The following FHOD3 variants were observed in gnomAD, a reference collection of about 807,000 sequenced individuals.
FHOD3 encodes FH1/FH2 domain-containing protein 3.
A neutral mutation model predicts 173.0 loss-of-function variants in FHOD3; 90 were observed. The ratio of observed to expected loss-of-function variants is 0.52; its 90% CI spans 0.44 to 0.62. The LOEUF (loss-of-function observed/expected upper bound fraction) is 0.62, where lower values mean the gene tolerates loss of function less well. Ranked by LOEUF, FHOD3 falls within the 20% of genes least tolerant of loss-of-function variation. The pLI is 0.00. For missense variants in FHOD3, 1,945 were observed against 2,034.7 expected (o/e 0.96, Z 0.85); for synonymous variants, 828 against 823.0 (o/e 1.01, Z -0.10).
At chr18:36,672,306 A>G (rs1288099468) in intron 14 of FHOD3, among the ~76,000 whole-genome samples, 1 of 152,206 alleles carries the variant, frequency 6.6e-6, no homozygotes, top group African/African-American at 2.4e-5. Context: ...GTTTAAAACA[A>G]CAACCATGCA....
At chr18:36,667,541 C>T (rs889583408) in intron 14 of FHOD3, among the ~76,000 whole-genome samples, 12 of 152,094 alleles carry the variant, frequency 7.9e-5, no homozygotes, top group Non-Finnish European at 5.9e-5. Flanking sequence ...AACCTTGCAG[C>T]GTGTAACTGT....
chr18:36,359,407 A>G (rs1160253886), intron 2 of FHOD3, among the ~76,000 whole-genome samples: 2 of 152,226 alleles, frequency 1.3e-5, no homozygotes, highest in Admixed American at 6.5e-5. Flanking sequence ...TGCTAAGAAA[A>G]TAGAGCCAGG....
At chr18:36,586,692 T>G (rs1418520500) in intron 6 of FHOD3, among the ~76,000 whole-genome samples, 1 of 151,800 alleles carries the variant, frequency 6.6e-6, no homozygotes, top group Non-Finnish European at 1.5e-5. Flanking sequence ...TCCACCATGT[T>G]GGTCAGGCTG....
In FHOD3 at chr18:36,760,688, C is replaced by A; in HGVS notation, c.4530C>A (p.His1510Gln). ...GLSYAEDAAE[H>Q]ENMKAVLKTS... ...GCTATGCGGAGGACGCGGCTGAGCA[C>A]GAGAACATGAAGGCTGTGCTGAAAA... is the stretch of plus-strand genomic sequence containing the variant. The change falls in exon 27 of 29, where the codon CAC (histidine) becomes CAA (glutamine). Residue 1510 changes from histidine (H) to glutamine (Q), a missense_variant. By Grantham distance (24) the His-to-Gln change is conservative. Around this residue, in one of 5 missense-constraint regions of FHOD3, gnomAD observed 354 missense variants for 359.9 expected, o/e 0.98. Transcript: ENST00000590592. 1 of 1,613,250 alleles carries A rather than the reference C, an allele frequency of 6.2e-7. No homozygotes were observed. The highest frequency in any genetic ancestry group is 8.5e-7 in the Non-Finnish European group (1 of 1,180,004).
At chr18:36,434,163 G>T (rs1032704424) in intron 3 of FHOD3, among the ~76,000 whole-genome samples, 3 of 152,144 alleles carry the variant, frequency 2.0e-5, no homozygotes, top group Non-Finnish European at 4.4e-5. Context: ...CCTATCTGAA[G>T]ATCACAAAGA....
intron 1 of FHOD3, among the ~76,000 whole-genome samples, chr18:36,340,967 T>A (rs957495506): frequency 3.3e-5 from 5 of 152,174 alleles, no homozygotes; most frequent in African/African-American, 1.2e-4. Context: ...AGCCTCTAAA[T>A]GTTGTTTGCT....
At position 36,544,842 on chromosome 18, in the gene FHOD3, C is replaced by T. The variant is rs113214903; in HGVS notation, c.512-31609C>T. ...GGTACTTTTCCAGCAATATAAAAAG[C>T]TTTGAACAGAGAAATTTTACAGATG... is the stretch of plus-strand genomic sequence containing the variant. On this transcript the variant is annotated intron_variant, in intron 5 of 28. Transcript: ENST00000590592. Among the ~76,000 whole-genome samples the T allele has an allele frequency of 3.3e-5, 5 of 152,240 alleles. No homozygotes were observed. In the South Asian group the frequency reaches 1.0e-3, roughly 32 times the overall value.
At chr18:36,566,681 A>T (rs1368921184) in intron 5 of FHOD3, among the ~76,000 whole-genome samples, 1 of 152,134 alleles carries the variant, frequency 6.6e-6, no homozygotes, top group Non-Finnish European at 1.5e-5. Context: ...ACCAGCCAGG[A>T]CCCGCAGTTG....
intron 8 of FHOD3, among the ~76,000 whole-genome samples, chr18:36,606,216 TG>T (rs2032051531): frequency 6.6e-6 from 1 of 152,220 alleles, no homozygotes; most frequent in Non-Finnish European, 1.5e-5. Context: ...TTTGTGTTGC[TG>T]TAACTGAATA....
At chr18:36,576,364 A>G (rs1263011429) in intron 5 of FHOD3, 87 bp from the exon 6 acceptor site, 1 of 885,878 alleles carries the variant, frequency 1.1e-6, no homozygotes, top group South Asian at 2.0e-5. Flanking sequence ...TACTTAAAGT[A>G]TGAAAATCTT....
In FHOD3 at chr18:36,577,605, C is replaced by T. The variant is rs140678421; in HGVS notation, c.606+1060C>T. Among the ~76,000 whole-genome samples the T allele has an allele frequency of 8.9e-4, 136 of 152,318 alleles. 2 individuals are homozygous for T. Among genetic ancestry groups the T allele is most frequent in the East Asian group, 8.5e-3 (44 of 5,180 alleles). On this transcript the variant is annotated intron_variant, in intron 6 of 28. Transcript: ENST00000590592. ...TGGGAGCCACCACATCCGGCCCATA[C>T]TAGGTGTTTTATAAGCGTGATCTCA...
At chr18:36,764,569 G>A (rs1347607137) in intron 27 of FHOD3, among the ~76,000 whole-genome samples, 2 of 152,138 alleles carry the variant, frequency 1.3e-5, no homozygotes, top group African/African-American at 4.8e-5. Context: ...AGCCTTCTTA[G>A]GGGGTGGATC....
chr18:36,667,324 C>CT (rs1047922169), intron 14 of FHOD3, among the ~76,000 whole-genome samples: 3 of 152,126 alleles, frequency 2.0e-5, no homozygotes, highest in African/African-American at 7.2e-5. Context: ...ATTCCAATAA[C>CT]TTTGACAACT....
rs1055477485 is a variant in FHOD3, at chr18:36,711,480, A to G, written c.2533+2089A>G. On this transcript the variant is annotated intron_variant, in intron 18 of 28. Transcript: ENST00000590592. ...ATTTTACTTTTTTGTAGTTACTTGC[A>G]TAATTGTCCTTTGTCTCCACTTGAA... 16 of 152,232 alleles carry G rather than the reference A, an allele frequency of 1.1e-4. 1 individual carries two copies. The highest frequency in any genetic ancestry group is 8.5e-4 in the Admixed American group (13 of 15,282). The allele number at this position is 152,232 out of a possible 1,614,324, so 9.4% of individuals were successfully genotyped here.
At chr18:36,601,254 A>G (rs1175794384) in intron 7 of FHOD3, among the ~76,000 whole-genome samples, 1 of 152,236 alleles carries the variant, frequency 6.6e-6, no homozygotes, top group Non-Finnish European at 1.5e-5. Context: ...ACTTAGCCAA[A>G]GCAAAAGGCT....
rs1266296284 is a variant in FHOD3, at chr18:36,709,254, C to G, written c.2396C>G (p.Ala799Gly). 1.2e-6 allele frequency: 2 copies of G among 1,614,158 alleles called. No individual in the cohort carries two copies. Among genetic ancestry groups the G allele is most frequent in the South Asian group, 1.1e-5 (1 of 91,068 alleles). ...QALEQEPEER[A>G]SLSEKERQNE... is the part of the protein sequence containing the mutation. ...CTAGAGCAAGAGCCGGAAGAAAGAG[C>G]CTCCCTCAGTGAAAAAGAGAGGCAG... Residue 799 changes from alanine to glycine, a missense_variant, in exon 18 of 29, where the codon GCC (alanine) becomes GGC (glycine). Ala to Gly is a moderately conservative substitution (Grantham distance 60). This residue lies in a region of FHOD3 where 1,099 missense variants were observed against 1,051.2 expected (regional missense o/e 1.05). Coordinates refer to ENST00000590592, the MANE Select transcript of FHOD3 (RefSeq NM_001281740.3).
intron 10 of FHOD3, among the ~76,000 whole-genome samples, chr18:36,646,265 A>G (rs1038940492): frequency 7.8e-6 from 1 of 128,648 alleles, no homozygotes; most frequent in African/African-American, 3.4e-5. Flanking sequence ...AATAGAAAAT[A>G]AAATTGAGTT....
chr18:36,717,807 AT>A, intron 18 of FHOD3, 24 bp from the exon 19 acceptor site: 1 of 1,526,894 alleles, frequency 6.5e-7, no homozygotes, highest in African/African-American at 1.4e-5. Context: ...CCCCTTTCTC[AT>A]TTTTCTCTCC....
chr18:36,361,286 G>A (rs2046599723), intron 2 of FHOD3, among the ~76,000 whole-genome samples: 1 of 152,080 alleles, frequency 6.6e-6, no homozygotes, highest in Non-Finnish European at 1.5e-5. Context: ...GGGTTGAGTG[G>A]GTAGCCCAGA....
Sources: allele counts gnomAD v4.1 joint callset (sites outside exome capture counted in the v4.1 genomes callset), GRCh38; gene constraint gnomAD v4.1.1; regional missense constraint gnomAD v4.1.1; transcripts MANE v1.5; gene names NCBI Gene and HGNC (gene_info 2026-07-23, HGNC 2026-07-21).